The following ITGB1 variants were observed in gnomAD, a reference collection of about 807,000 sequenced individuals.
ITGB1 encodes the protein integrin beta-1.
Under a neutral mutation model 86.5 loss-of-function variants are expected in ITGB1, and 24 were observed. The observed-to-expected ratio is 0.28, with a 90% CI of 0.20 to 0.39. The LOEUF is 0.39. Ranked by LOEUF, ITGB1 falls within the 10% of genes least tolerant of loss-of-function variation. ITGB1 has a pLI of 1.00. For missense variants in ITGB1, 556 were observed against 946.9 expected, an observed-to-expected ratio of 0.59 and a Z score of 5.42; for synonymous variants, 323 against 316.8, an observed-to-expected ratio of 1.02 and a Z score of -0.21.
At chr10:32,919,264 G>C (rs2094941303) in intron 11 of ITGB1, among the ~76,000 whole-genome samples, 1 of 152,168 alleles carries the variant, frequency 6.6e-6, no homozygotes, top group Non-Finnish European at 1.5e-5. Flanking sequence ...TACAGAGAAA[G>C]CGGTATTCAA....
At chr10:32,907,792 T>C (rs1374827465) in intron 15 of ITGB1, among the ~76,000 whole-genome samples, 1 of 151,616 alleles carries the variant, frequency 6.6e-6, no homozygotes, top group Non-Finnish European at 1.5e-5. Flanking sequence ...GGGCCACACA[T>C]AAAATACACT....
At chr10:32,926,942 C>T (rs2094966952) in intron 5 of ITGB1, among the ~76,000 whole-genome samples, 1 of 152,166 alleles carries the variant, frequency 6.6e-6, no homozygotes, top group African/African-American at 2.4e-5. Flanking sequence ...ATAAGCCACC[C>T]AGTTTATAGT....
intron 15 of ITGB1, among the ~76,000 whole-genome samples, chr10:32,907,993 G>GT (rs911073337): frequency 1.3e-4 from 19 of 151,898 alleles, no homozygotes; most frequent in Admixed American, 8.5e-4. Context: ...TTCACTGAAG[G>GT]TTTTTTTTGT....
At chr10:32,915,863 A>G (rs1272253095) in intron 11 of ITGB1, among the ~76,000 whole-genome samples, 5 of 152,198 alleles carry the variant, frequency 3.3e-5, no homozygotes, top group African/African-American at 1.2e-4. Context: ...CACAACAAAG[A>G]AAGAGAATTT....
intron 5 of ITGB1, among the ~76,000 whole-genome samples, chr10:32,927,535 T>C (rs1245168345): frequency 6.6e-6 from 1 of 152,210 alleles, no homozygotes; most frequent in Non-Finnish European, 1.5e-5. Flanking sequence ...CTCACGCCTG[T>C]AGTCCCAATA....
At chr10:32,915,392 T>A (rs977585589) in intron 11 of ITGB1, among the ~76,000 whole-genome samples, 2 of 152,004 alleles carry the variant, frequency 1.3e-5, no homozygotes, top group African/African-American at 4.8e-5. Context: ...TTTTTTGAAA[T>A]GATCAACAAA....
chr10:32,938,209 A>C (rs1457079792), intron 1 of ITGB1, among the ~76,000 whole-genome samples: 1 of 152,206 alleles, frequency 6.6e-6, no homozygotes, highest in African/African-American at 2.4e-5. Flanking sequence ...CTATAATTCT[A>C]AGCAAGTCAA....
intron 11 of ITGB1, 27 bp downstream of exon 11, chr10:32,919,858 G>A (rs1292890905): frequency 1.2e-6 from 2 of 1,601,566 alleles, no homozygotes; most frequent in South Asian, 1.1e-5. Flanking sequence ...ATGTAGCTCT[G>A]TCACTGTCTG....
At chr10:32,934,088 T>C (rs2504000) in intron 2 of ITGB1, among the ~76,000 whole-genome samples, 149,797 of 152,228 alleles carry the variant, frequency 0.98, 73,749 homozygotes, top group Middle Eastern at 1. Flanking sequence ...TAATAAAACC[T>C]AAAAGAATAA....
chr10:32,944,410 G>A (rs951270004), intron 1 of ITGB1: 39 of 309,138 alleles, frequency 1.3e-4, no homozygotes, highest in African/African-American at 2.7e-4. Flanking sequence ...GCGTCTACGC[G>A]GCAGCAGCCG....
In ITGB1 at chr10:32,906,172, GAT is replaced by G. The variant is rs2137157201; in HGVS notation, c.2331+2194_2331+2195del. ...CTCAAATCTTTTGAGAACCAATAAT[GAT>G]ATTGTAGTTGCATACCATACAAATA... On this transcript the variant is annotated intron_variant, in intron 15 of 15. Transcript: ENST00000302278. Among the ~76,000 whole-genome samples, 2 of 152,170 alleles carry G rather than the reference GAT, an allele frequency of 1.3e-5. 1 individual carries two copies. The highest frequency in any genetic ancestry group is 2.9e-5 in the Non-Finnish European group (2 of 68,014).
At chr10:32,937,410 G>A (rs2095005727) in intron 1 of ITGB1, among the ~76,000 whole-genome samples, 1 of 152,042 alleles carries the variant, frequency 6.6e-6, no homozygotes, top group African/African-American at 2.4e-5. Context: ...GCAAAAATTA[G>A]CTGGGTGTGG....
At chr10:32,905,376 CACA>C (rs1427634267) in intron 15 of ITGB1, among the ~76,000 whole-genome samples, 20 of 152,188 alleles carry the variant, frequency 1.3e-4, no homozygotes, top group South Asian at 4.1e-4. Flanking sequence ...AGTCAAAAAA[CACA>C]ACAACAGCAC....
At chr10:32,928,459 C>T (rs561461087) in intron 4 of ITGB1, among the ~76,000 whole-genome samples, 195 bp from the exon 5 acceptor site, 10 of 152,308 alleles carry the variant, frequency 6.6e-5, no homozygotes, top group African/African-American at 2.4e-4. Flanking sequence ...ATACTTTAAA[C>T]ACCAGGCCTT....
At chr10:32,957,683 G>A (rs1004398374) in intron 1 of ITGB1, 1 of 152,276 alleles carries the variant, frequency 6.6e-6, no homozygotes, top group Non-Finnish European at 1.5e-5. Context: ...GGGAGCGAGA[G>A]ACAAAGGCAC....
At position 32,926,071 on chromosome 10, in the gene ITGB1, T is replaced by C. The variant is rs781271545; in HGVS notation, c.586A>G (p.Ile196Val). Residue 196 changes from isoleucine (I) to valine (V), a missense_variant, in exon 6 of 16, where the codon ATT becomes GTT. Coordinates refer to ENST00000302278, the MANE Select transcript of ITGB1 (RefSeq NM_002211.4). ...SFVEKTVMPY[I>V]STTPAKLRNP... ...CTGAGCTTAGCTGGTGTTGTGCTAATGTAAGGCATCACAGTCTTTTCCACA... is the reference window on the plus strand; with the variant it reads ...CTGAGCTTAGCTGGTGTTGTGCTAACGTAAGGCATCACAGTCTTTTCCACA... 7.4e-6 allele frequency: 12 copies of C among 1,614,002 alleles called. No individual in the cohort carries two copies. Among genetic ancestry groups the C allele is most frequent in the Middle Eastern group, 1.6e-4 (1 of 6,082 alleles).
rs1294098427 is a variant in ITGB1 at position 32,922,038 on chromosome 10, C to T, written c.1128+219G>A. 4.6e-5 allele frequency among the ~76,000 whole-genome samples: 7 copies of T among 152,256 alleles called. No individual in the cohort carries two copies. In the East Asian group the frequency reaches 1.3e-3, roughly 29 times the overall value. On this transcript the variant is annotated intron_variant, in intron 9 of 15. Coordinates refer to ENST00000302278, the MANE Select transcript of ITGB1 (RefSeq NM_002211.4). ...ACAAACAGTTATTTGGAAATACTCC[C>T]CACATGCCTTTATCACATTTTCACT... is the stretch of plus-strand genomic sequence containing the variant.
Position 32,933,477 on chromosome 10 carries a change from T to A in ITGB1, c.68-877A>T, listed in dbSNP as rs898817313. 9 of 152,334 alleles carry A rather than the reference T, an allele frequency of 5.9e-5. No homozygotes were observed. In the East Asian group the frequency reaches 1.7e-3, roughly 29 times the overall value. 9.4% of individuals were successfully genotyped at this position (152,334 alleles called of 1,614,324 possible). On this transcript the variant is annotated intron_variant, in intron 2 of 15. Coordinates refer to ENST00000302278, the MANE Select transcript of ITGB1 (RefSeq NM_002211.4). ...AAAGTATGTTTTAGGTTTCTTTGCA[T>A]CTACCTAAGGAAGAGTATGCCTTCT...
chr10:32,906,820 C>T (rs1229773645), intron 15 of ITGB1, among the ~76,000 whole-genome samples: 1 of 152,136 alleles, frequency 6.6e-6, no homozygotes, highest in African/African-American at 2.4e-5. Context: ...GGGATTTGAC[C>T]TGAGGTCTAA....
Sources: gnomAD v4.1 joint callset for allele counts (sites outside exome capture counted in the v4.1 genomes callset) on GRCh38, gnomAD v4.1.1 for gene constraint, MANE v1.5 for transcripts, NCBI Gene and HGNC (gene_info 2026-07-23, HGNC 2026-07-21) for gene names.